The following MYL3 variants were observed in gnomAD, a reference collection of about 807,000 sequenced individuals.
The protein encoded by MYL3 is myosin light chain 3, also known as CMLC1.
Under a neutral mutation model 21.3 loss-of-function variants are expected in MYL3, and 11 were observed. The observed-to-expected ratio is 0.52, with a 90% CI of 0.32 to 0.85. MYL3 has a LOEUF of 0.85. Ranked by LOEUF, MYL3 falls within the 40% of genes least tolerant of loss-of-function variation. The pLI, the probability that MYL3 is intolerant of heterozygous loss-of-function variation, is 0.03. For synonymous variants in MYL3, 88 were observed against 91.6 expected (o/e 0.96, Z 0.22); for missense variants, 206 against 253.3 (o/e 0.81, Z 1.27).
In MYL3 at chr3:46,860,536, G is replaced by C; in HGVS notation, c.307+140C>G. The C allele has an allele frequency of 8.1e-7, 1 of 1,234,704 alleles. No homozygotes were observed. The highest frequency in any genetic ancestry group is 1.1e-6 in the Non-Finnish European group (1 of 885,070). The allele number at this position is 1,234,704 out of a possible 1,614,324, so 76.5% of individuals were successfully genotyped here. The stretch of plus-strand genomic sequence containing the variant: ...CATGTCACCTGGTCGGCATGGCCCT[G>C]TGACTGGCCTCGGTGCCCTCATCGG... On this transcript the variant is annotated intron_variant, in intron 3 of 6. Coordinates refer to ENST00000292327, the MANE Select transcript of MYL3 (RefSeq NM_000258.3). This position sits in a 1 kb window ranked among gnomAD's most constrained non-coding sequence, Gnocchi z 4.6.
chr3:46,860,981 A>G lies in MYL3; in HGVS notation c.136T>C (p.Phe46Leu), dbSNP rs730880953. ...EFDASKIKIE[F>L]TPEQIEEFKE... ...TCACCTTCAATCTGCTCAGGTGTGAACTCAATCTGAAAAGAGACCCCAAAG... is the reference window on the plus strand; with the variant it reads ...TCACCTTCAATCTGCTCAGGTGTGAGCTCAATCTGAAAAGAGACCCCAAAG... The change falls in exon 2 of 7, where the codon TTC becomes CTC. Residue 46 changes from phenylalanine (F) to leucine (L), a missense_variant. Coordinates refer to ENST00000292327, the MANE Select transcript of MYL3 (RefSeq NM_000258.3). This position sits in a 1 kb window ranked among gnomAD's most constrained non-coding sequence, Gnocchi z 4.6. 3.1e-6 allele frequency: 5 copies of G among 1,613,730 alleles called. No homozygotes were observed. The highest frequency in any genetic ancestry group is 2.7e-5 in the African/African-American group (2 of 74,798).
rs778410173 is a variant in MYL3 at position 46,860,670 on chromosome 3, C to G, written c.307+6G>C. On this transcript the variant is annotated splice_donor_region_variant and intron_variant, in intron 3 of 6. Coordinates refer to ENST00000292327, the MANE Select transcript of MYL3 (RefSeq NM_000258.3). This position sits in a 1 kb window ranked among gnomAD's most constrained non-coding sequence, Gnocchi z 4.6. Reference sequence around the variant, plus strand: ...CACTATGGGGGCTCTCGGGCAGGTGCACTACCTTCCTGTCTTGGCTTCCCC... The same window carrying G: ...CACTATGGGGGCTCTCGGGCAGGTGGACTACCTTCCTGTCTTGGCTTCCCC... 5 of 1,613,254 alleles carry G rather than the reference C, an allele frequency of 3.1e-6. No individual in the cohort carries two copies. The highest frequency in any genetic ancestry group is 1.3e-5 in the African/African-American group (1 of 74,930).
Position 46,860,876 on chromosome 3 carries a change from C to T in MYL3, c.158-51G>A, listed in dbSNP as rs542733581. 1.2e-6 allele frequency: 2 copies of T among 1,614,122 alleles called. No homozygotes were observed. Among genetic ancestry groups the T allele is most frequent in the South Asian group, 2.2e-5 (2 of 91,078 alleles). The stretch of plus-strand genomic sequence containing the variant: ...AGACACTCCCAGGGTCAGCCTACCC[C>T]ACTCCCCACACCCCTGGCAGGACCC... On this transcript the variant is annotated intron_variant, in intron 2 of 6. Transcript: ENST00000292327. The surrounding 1 kb of genome is among the most constrained non-coding windows in gnomAD (Gnocchi z 4.6).
upstream of MYL3, among the ~76,000 whole-genome samples, chr3:46,864,768 C>T (rs1413130517): frequency 6.6e-6 from 1 of 152,206 alleles, no homozygotes; most frequent in Admixed American, 6.5e-5. The surrounding 1 kb of genome is among the most constrained non-coding windows in gnomAD (Gnocchi z 4.7). Context: ...TCCTGCAGTG[C>T]CCGGCCCCCA....
intron 1 of MYL3, among the ~76,000 whole-genome samples, chr3:46,880,849 G>A (rs2030512722): frequency 6.6e-6 from 1 of 152,218 alleles, no homozygotes; most frequent in African/African-American, 2.4e-5. Flanking sequence ...CAGAAGGGTG[G>A]CTGCAGCTGG....
intron 1 of MYL3, among the ~76,000 whole-genome samples, chr3:46,872,287 G>A (rs1357000633): frequency 6.6e-6 from 1 of 152,232 alleles, no homozygotes. Flanking sequence ...GATGAGCTGG[G>A]AGGGGCTGGG....
At chr3:46,867,558 C>T (rs764966834), upstream of MYL3, among the ~76,000 whole-genome samples, 9 of 152,248 alleles carry the variant, frequency 5.9e-5, no homozygotes, top group African/African-American at 9.6e-5. Flanking sequence ...GGCCAGCTGT[C>T]CCCTGGGCCT....
rs1701988174 is a variant in MYL3, at chr3:46,861,087, G to C, written c.130-100C>G. On this transcript the variant is annotated intron_variant, in intron 1 of 6. Coordinates refer to ENST00000292327, the MANE Select transcript of MYL3 (RefSeq NM_000258.3). The surrounding 1 kb of genome is among the most constrained non-coding windows in gnomAD (Gnocchi z 4.2). ...CCAGCCCAGAATGTCAACTGTCTCAGCCTGTCCCATTCCAGCATCCCAGCC... is the reference window on the plus strand; with the variant it reads ...CCAGCCCAGAATGTCAACTGTCTCACCCTGTCCCATTCCAGCATCCCAGCC... The C allele has an allele frequency of 1.3e-5, 18 of 1,392,396 alleles. 1 individual carries two copies. The Admixed American group carries it at 3.1e-4, about 24-fold the overall frequency. The allele number at this position is 1,392,396 out of a possible 1,614,324, so 86.3% of individuals were successfully genotyped here. A position where few individuals can be genotyped will look rare whatever the true frequency, so the allele number is the denominator to read the frequency against.
chr3:46,871,717 G>A (rs569447855), intron 1 of MYL3, among the ~76,000 whole-genome samples: 38 of 152,336 alleles, frequency 2.5e-4, no homozygotes, highest in African/African-American at 5.1e-4. Flanking sequence ...TAGAGCCTAC[G>A]GGTAAGGGTG....
intron 1 of MYL3, among the ~76,000 whole-genome samples, chr3:46,876,225 G>A (rs1463834903): frequency 6.6e-6 from 1 of 152,238 alleles, no homozygotes; most frequent in East Asian, 1.9e-4. Context: ...AAGCAGAAAA[G>A]GCCCCAGCCT....
At chr3:46,877,029 A>C (rs2030258638) in intron 1 of MYL3, among the ~76,000 whole-genome samples, 1 of 151,952 alleles carries the variant, frequency 6.6e-6, no homozygotes, top group Non-Finnish European at 1.5e-5. Context: ...TGCCTTTGAG[A>C]CCTGTGACAG....
At chr3:46,863,173 C>A in intron 1 of MYL3, 89 bp downstream of exon 1, 1 of 1,591,940 alleles carries the variant, frequency 6.3e-7, no homozygotes, top group Non-Finnish European at 8.6e-7. Flanking sequence ...GTGCTCACCT[C>A]CAGAGCCTGA....
chr3:46,863,413 G>A lies in MYL3; in HGVS notation c.-23C>T, dbSNP rs927029085. ...CATTGGGGGCTGTAAGTACAGAGAG[G>A]GATGTGGAGAGAAGAATGCAGAAAG... On this transcript the variant is annotated 5_prime_UTR_variant, in exon 1 of 7. Transcript: ENST00000292327. 3 of 1,612,420 alleles carry A rather than the reference G, an allele frequency of 1.9e-6. No individual in the cohort carries two copies. The South Asian group carries it at 3.3e-5, about 18-fold the overall frequency.
At position 46,860,863 on chromosome 3, in the gene MYL3, G is replaced by A; in HGVS notation, c.158-38C>T. The A allele has an allele frequency of 6.2e-7, 1 of 1,613,958 alleles. No individual in the cohort carries two copies. The highest frequency in any genetic ancestry group is 8.5e-7 in the Non-Finnish European group (1 of 1,179,974). On this transcript the variant is annotated intron_variant, in intron 2 of 6. Coordinates refer to ENST00000292327, the MANE Select transcript of MYL3 (RefSeq NM_000258.3). This position sits in a 1 kb window ranked among gnomAD's most constrained non-coding sequence, Gnocchi z 4.6. Reference sequence around the variant, plus strand: ...GGCAGTGAGCCACAGACACTCCCAGGGTCAGCCTACCCCACTCCCCACACC... The same window carrying A: ...GGCAGTGAGCCACAGACACTCCCAGAGTCAGCCTACCCCACTCCCCACACC...
intron 1 of MYL3, among the ~76,000 whole-genome samples, chr3:46,876,781 A>G (rs1396389101): frequency 6.6e-6 from 1 of 152,088 alleles, no homozygotes; most frequent in African/African-American, 2.4e-5. Context: ...TGCCACGTGA[A>G]TCATTATACC....
upstream of MYL3, chr3:46,863,454 G>A (rs569977636): frequency 1.2e-4 from 189 of 1,577,618 alleles, 1 homozygote; most frequent in African/African-American, 1.9e-3. Flanking sequence ...TAGGTGAGCC[G>A]CCTCACCCAG....
At chr3:46,875,379 A>T (rs1056025044) in intron 1 of MYL3, among the ~76,000 whole-genome samples, 1 of 152,180 alleles carries the variant, frequency 6.6e-6, no homozygotes, top group Admixed American at 6.5e-5. Flanking sequence ...CCATGCCCAC[A>T]CTGCCAGGGA....
intron 1 of MYL3, among the ~76,000 whole-genome samples, chr3:46,862,426 G>C (rs1702001984): frequency 6.6e-6 from 1 of 152,200 alleles, no homozygotes. Flanking sequence ...CTCTGGGAAG[G>C]GCTCATGAAC....
chr3:46,860,578 A>C lies in MYL3; in HGVS notation c.307+98T>G. On this transcript the variant is annotated intron_variant, in intron 3 of 6. Transcript: ENST00000292327. This position sits in a 1 kb window ranked among gnomAD's most constrained non-coding sequence, Gnocchi z 4.6. ...CCTCATCGGGACAATGCGAGATGTC[A>C]GGAAAGATTCTCGTGCTATCCCGCA... 1 of 1,538,076 alleles carries C rather than the reference A, an allele frequency of 6.5e-7. No homozygotes were observed.
Sources: gnomAD v4.1 joint callset for allele counts (sites outside exome capture counted in the v4.1 genomes callset) on GRCh38, gnomAD v4.1.1 for gene constraint, Gnocchi (gnomAD v3.1) non-coding constraint, MANE v1.5 for transcripts, NCBI Gene and HGNC (gene_info 2026-07-23, HGNC 2026-07-21) for gene names.